TTLL8: variants seen among roughly 807,000 people sequenced by gnomAD.
TTLL8 encodes the protein tubulin tyrosine ligase like 8, also known as protein monoglycylase TTLL8.
Under a neutral mutation model 77.8 loss-of-function variants are expected in TTLL8, and 65 were observed. That is an observed-to-expected ratio of 0.84 (90% confidence interval 0.68 to 1.03). The LOEUF (loss-of-function observed/expected upper bound fraction) is 1.03. Among genes scored for constraint, TTLL8 ranks in the 50% least tolerant of loss-of-function variants. TTLL8 has a pLI of 0.00. For synonymous variants in TTLL8, 402 were observed against 422.8 expected (o/e 0.95, Z 0.60); for missense variants, 910 against 1,004.5 (o/e 0.91, Z 1.27).
Position 50,045,127 on chromosome 22 carries a change from G to C in TTLL8, c.643+128C>G, listed in dbSNP as rs140665890. 8.1e-4 allele frequency: 859 copies of C among 1,056,888 alleles called. 7 individuals are homozygous for C. The African/African-American group carries it at 9.0e-3, about 11-fold the overall frequency. The allele number at this position is 1,056,888 out of a possible 1,614,324, so 65.5% of individuals were successfully genotyped here. A position where few individuals can be genotyped will look rare whatever the true frequency, so the allele number is the denominator to read the frequency against. ...TCTGCCATGAGAATCGAGAGAGTCT[G>C]AGGCATCGCTGTATCCAGCCCCGGC... is the stretch of plus-strand genomic sequence containing the variant. On this transcript the variant is annotated intron_variant, in intron 6 of 13. Coordinates refer to ENST00000266182, the Ensembl canonical transcript of TTLL8.
At chr22:50,054,713 T>G (rs1408051528), upstream of TTLL8, 1 of 176,190 alleles carries the variant, frequency 5.7e-6, no homozygotes, top group African/African-American at 2.4e-5. Context: ...TGGCCACCCC[T>G]TGGTGGGAGG....
At chr22:50,018,654 T>C (rs1034724347) in intron 12 of TTLL8, among the ~76,000 whole-genome samples, 5 of 152,184 alleles carry the variant, frequency 3.3e-5, no homozygotes, top group Admixed American at 1.3e-4. Flanking sequence ...CAGCTCCCCT[T>C]GGAGAGTGAT....
At chr22:50,033,434 T>C (rs2061313347) in exon 10 of TTLL8, 2 of 1,363,534 alleles carry the variant, frequency 1.5e-6, no homozygotes, top group Non-Finnish European at 2.0e-6. Context: ...ACACGGTCCA[T>C]GCACACTATG....
intron 3 of TTLL8, 149 bp from the exon 6 acceptor site, chr22:50,047,445 G>T (rs2061419794): frequency 1.8e-6 from 1 of 543,442 alleles, no homozygotes; most frequent in Non-Finnish European, 3.0e-6. Context: ...GCTCCTTGTG[G>T]GCCTCCTGCA....
rs374700288 is a variant in TTLL8 at position 50,031,977 on chromosome 22, G to A, written c.1416C>T (p.Gly472=). The A allele has an allele frequency of 2.6e-4, 358 of 1,366,696 alleles. 2 individuals carry two copies. In the African/African-American group the frequency reaches 4.8e-3, roughly 18 times the overall value. The allele number at this position is 1,366,696 out of a possible 1,614,324, so 84.7% of individuals were successfully genotyped here. A position where few individuals can be genotyped will look rare whatever the true frequency, so the allele number is the denominator to read the frequency against. ...GGTAGATGACGCTGCCCCACACGGC[G>A]CCACGGCCCTGGCGCTGCAGGTACT... Residue 472 remains glycine, a synonymous_variant, in exon 11 of 14, where the codon GGC becomes GGT. Transcript: ENST00000266182.
At chr22:50,026,002 A>G (rs1011999110) in intron 12 of TTLL8, among the ~76,000 whole-genome samples, 16 of 152,188 alleles carry the variant, frequency 1.1e-4, no homozygotes, top group African/African-American at 3.4e-4. Context: ...AGCATCCTTC[A>G]TGACGTAGTG....
chr22:50,047,372 C>T, intron 3 of TTLL8, 76 bp from the exon 6 acceptor site: 1 of 1,238,870 alleles, frequency 8.1e-7, no homozygotes, highest in Non-Finnish European at 1.1e-6. Context: ...AGTGAGGCAA[C>T]CATCAGAGGA....
rs2061371858 is a variant in TTLL8 at position 50,041,641 on chromosome 22, C to T, written c.810G>A (p.Gln270=). 1 of 1,365,408 alleles carries T rather than the reference C, an allele frequency of 7.3e-7. No individual in the cohort carries two copies. The highest frequency in any genetic ancestry group is 4.5e-5 in the East Asian group (1 of 21,980). 84.6% of individuals were successfully genotyped at this position (1,365,408 alleles called of 1,614,324 possible). A position where few individuals can be genotyped will look rare whatever the true frequency, so the allele number is the denominator to read the frequency against. Reference sequence around the variant, plus strand: ...CTTACTGAACGAGGGAGTAGTACTGCTGGGTCAGGTCCTCCCACTCGGCCT... The same window carrying T: ...CTTACTGAACGAGGGAGTAGTACTGTTGGGTCAGGTCCTCCCACTCGGCCT... The change falls in exon 7 of 14, where the codon CAG becomes CAA. Residue 270 remains glutamine, a synonymous_variant. Coordinates refer to ENST00000266182, the Ensembl canonical transcript of TTLL8. This position sits in a 1 kb window ranked among gnomAD's most constrained non-coding sequence, Gnocchi z 4.3.
exon 12 of TTLL8, chr22:50,030,479 C>G (rs201925845): frequency 2.2e-6 from 3 of 1,345,212 alleles, no homozygotes; most frequent in South Asian, 2.3e-5. Context: ...TCTTCAGGCC[C>G]CGCAGCACAG....
chr22:50,050,271 A>G, intron 1 of TTLL8, 24 bp from the exon 4 acceptor site: 1 of 1,302,058 alleles, frequency 7.7e-7, no homozygotes, highest in Non-Finnish European at 1.0e-6. Context: ...AGGATATTTT[A>G]TTTTATTTCA....
Position 50,050,098 on chromosome 22 carries a change from C to T in TTLL8, c.190+11G>A, listed in dbSNP as rs114409591. ...CGCCCTGAGCTGAGACGTGCGCCTC[C>T]GATACGCTACCATTGACCCGGGCGC... On this transcript the variant is annotated intron_variant, in intron 2 of 13. Transcript: ENST00000266182. 9.4e-4 allele frequency: 1,283 copies of T among 1,365,958 alleles called. 8 individuals carry two copies. In the African/African-American group the frequency reaches 0.017, roughly 18 times the overall value. The allele number at this position is 1,365,958 out of a possible 1,614,324, so 84.6% of individuals were successfully genotyped here. A position where few individuals can be genotyped will look rare whatever the true frequency, so the allele number is the denominator to read the frequency against.
At chr22:50,053,735 C>T (rs2061456472) in intron 1 of TTLL8, among the ~76,000 whole-genome samples, 2 of 152,140 alleles carry the variant, frequency 1.3e-5, no homozygotes, top group African/African-American at 2.4e-5. Flanking sequence ...GGGGAATAAC[C>T]GATAGGGGCC....
chr22:50,037,870 T>C (rs79216706), intron 8 of TTLL8, among the ~76,000 whole-genome samples: 3,561 of 152,288 alleles, frequency 0.023, 149 homozygotes, highest in African/African-American at 0.082. Context: ...TCTATATAAA[T>C]CAGTTCATTA....
chr22:50,020,822 G>GACA (rs2061192241), intron 12 of TTLL8, among the ~76,000 whole-genome samples: 1 of 143,748 alleles, frequency 7.0e-6, no homozygotes, highest in African/African-American at 2.6e-5. Context: ...TCCATCTGAC[G>GACA]TGCACTCCTC....
intron 3 of TTLL8, 38 bp from the exon 6 acceptor site, chr22:50,047,334 A>G (rs1156610308): frequency 1.5e-6 from 2 of 1,362,086 alleles, no homozygotes; most frequent in Non-Finnish European, 2.0e-6. Context: ...CCCAGCATTC[A>G]AGGTTCACAC....
chr22:50,021,256 T>C (rs1410784752), intron 12 of TTLL8, among the ~76,000 whole-genome samples: 1 of 139,928 alleles, frequency 7.1e-6, no homozygotes, highest in African/African-American at 2.8e-5. Flanking sequence ...TACTCCTCCA[T>C]CTGACAATGT....
Position 50,043,044 on chromosome 22 carries a change from G to A in TTLL8, c.644-1237C>T, listed in dbSNP as rs149482468. 2.0e-4 allele frequency among the ~76,000 whole-genome samples: 31 copies of A among 152,362 alleles called. No homozygotes were observed. In the East Asian group the frequency reaches 5.4e-3, roughly 27 times the overall value. On this transcript the variant is annotated intron_variant, in intron 6 of 13. Transcript: ENST00000266182. ...ACACAAAGACCTGCACACAGATGTC[G>A]ACAGAAACGTTATTCATGATCGTCA...
intron 1 of TTLL8, among the ~76,000 whole-genome samples, chr22:50,051,932 T>G (rs141845871): frequency 4.3e-4 from 66 of 152,200 alleles, no homozygotes; most frequent in Middle Eastern, 6.8e-3. Flanking sequence ...AGACATCTGC[T>G]CAAAGAAGAC....
chr22:50,020,269 C>CATGCACTCCTCCATCTGAT (rs2061186682), intron 12 of TTLL8, among the ~76,000 whole-genome samples: 1 of 120,414 alleles, frequency 8.3e-6, no homozygotes, highest in Admixed American at 8.5e-5. Flanking sequence ...CTCCATCTGA[C>CATGCACTCCTCCATCTGAT]GTGCACTCCT....
Sources: allele counts gnomAD v4.1 joint callset (sites outside exome capture counted in the v4.1 genomes callset), GRCh38; gene constraint gnomAD v4.1.1; non-coding constraint Gnocchi (gnomAD v3.1); transcripts MANE v1.5; gene names NCBI Gene and HGNC (gene_info 2026-07-23, HGNC 2026-07-21).